UBE2T: variants seen among roughly 807,000 people sequenced by gnomAD.
UBE2T encodes the protein ubiquitin conjugating enzyme E2 T.
Under a neutral mutation model 23.3 loss-of-function variants are expected in UBE2T, and 15 were observed. The observed-to-expected ratio is 0.64, with a 90% CI of 0.43 to 0.99. The LOEUF (loss-of-function observed/expected upper bound fraction) is 0.99. UBE2T is among the 50% of genes least tolerant of loss of function. The pLI is 0.00. For missense variants in UBE2T, 197 were observed against 234.9 expected (o/e 0.84, Z 1.05); for synonymous variants, 67 against 78.4 (o/e 0.85, Z 0.77).
intron 1 of UBE2T, among the ~76,000 whole-genome samples, chr1:202,341,577 C>CAAAAAAAAAAAAAAAA (rs57598991): frequency 4.9e-5 from 1 of 20,302 alleles, no homozygotes; most frequent in Non-Finnish European, 7.7e-5. Context: ...GACTCCGTCT[C>CAAAAAAAAAAAAAAAA]AAAAAAAAAA....
intron 1 of UBE2T, among the ~76,000 whole-genome samples, chr1:202,336,168 T>G (rs1333503410): frequency 1.4e-5 from 2 of 143,480 alleles, no homozygotes; most frequent in Non-Finnish European, 3.0e-5. Context: ...TGCCTTGGCC[T>G]CCCAAAGTGC....
rs557128154 is a variant in UBE2T at position 202,335,578 on chromosome 1, A to C, written c.109+68T>G. On this transcript the variant is annotated intron_variant, in intron 2 of 6. Transcript: ENST00000646651. This position sits in a 1 kb window ranked among gnomAD's most constrained non-coding sequence, Gnocchi z 4.0. ...CTCCTTACTTTAGAAGAATACACAAAATGTTTTATTTCAGCACAATCTTCA... is the reference window on the plus strand; with the variant it reads ...CTCCTTACTTTAGAAGAATACACAACATGTTTTATTTCAGCACAATCTTCA... 7 of 1,489,216 alleles carry C rather than the reference A, an allele frequency of 4.7e-6. No individual in the cohort carries two copies. Among genetic ancestry groups the C allele is most frequent in the East Asian group, 2.3e-5 (1 of 44,108 alleles). The allele number at this position is 1,489,216 out of a possible 1,614,324, so 92.3% of individuals were successfully genotyped here. A position where few individuals can be genotyped will look rare whatever the true frequency, so the allele number is the denominator to read the frequency against.
intron 6 of UBE2T, 83 bp downstream of exon 6, chr1:202,332,927 A>AAAAAAAAAAAAAAC (rs1654791719): frequency 2.2e-6 from 1 of 450,804 alleles, no homozygotes; most frequent in African/African-American, 2.2e-5. Flanking sequence ...AAAAAAAAAA[A>AAAAAAAAAAAAAAC]AAAAAAAAAA....
chr1:202,334,482 G>A (rs542299639), intron 3 of UBE2T, among the ~76,000 whole-genome samples: 5 of 152,230 alleles, frequency 3.3e-5, no homozygotes, highest in African/African-American at 1.2e-4. Flanking sequence ...GATATCATGA[G>A]TTTACCTATA....
At chr1:202,333,117 G>C in intron 5 of UBE2T, 24 bp from the exon 6 acceptor site, 8 of 1,609,338 alleles carry the variant, frequency 5.0e-6, no homozygotes, top group Non-Finnish European at 6.8e-6. Context: ...AAAGAAAAGA[G>C]TTAATGGAGA....
At chr1:202,336,210 CTTTT>C (rs60785340) in intron 1 of UBE2T, among the ~76,000 whole-genome samples, 16 of 34,366 alleles carry the variant, frequency 4.7e-4, no homozygotes, top group South Asian at 2.0e-3. Context: ...ATGCACCCAG[CTTTT>C]TTTTTTTTTT....
At position 202,331,839 on chromosome 1, in the gene UBE2T, A is replaced by G. The variant is rs1654758518; in HGVS notation, c.590T>C (p.Val197Ala). 1.2e-6 allele frequency: 2 copies of G among 1,614,080 alleles called. No homozygotes were observed. Among genetic ancestry groups the G allele is most frequent in the Non-Finnish European group, 8.5e-7 (1 of 1,179,992 alleles). Reference protein sequence around the residue: ...VGIEKKFHPDV With the variant: ...VGIEKKFHPDA ...AGATGAACCAGGACAAGTCCCCTAA[A>G]CATCAGGATGAAATTTCTTTTCTAT... The change falls in exon 7 of 7, where the codon GTT (valine) becomes GCT (alanine). Residue 197 changes from valine to alanine, a missense_variant. Coordinates refer to ENST00000646651, the MANE Select transcript of UBE2T (RefSeq NM_014176.4).
intron 3 of UBE2T, 29 bp downstream of exon 3, chr1:202,334,960 T>A (rs1654850607): frequency 6.2e-7 from 1 of 1,600,112 alleles, no homozygotes; most frequent in East Asian, 2.2e-5. Context: ...CACTTCACCA[T>A]GTAGGTTGAG....
intron 1 of UBE2T, among the ~76,000 whole-genome samples, chr1:202,337,898 A>G (rs566939126): frequency 1.3e-5 from 2 of 152,296 alleles, no homozygotes; most frequent in South Asian, 2.1e-4. Flanking sequence ...GAATCAGTTC[A>G]TAAGTCCATA....
chr1:202,334,846 A>T, intron 3 of UBE2T, 143 bp downstream of exon 3: 1 of 672,174 alleles, frequency 1.5e-6, no homozygotes, highest in Non-Finnish European at 2.5e-6. Context: ...CAGAGAGAGA[A>T]AATAACTTGG....
At chr1:202,338,392 T>C (rs1220314881) in intron 1 of UBE2T, among the ~76,000 whole-genome samples, 1 of 152,104 alleles carries the variant, frequency 6.6e-6, no homozygotes, top group South Asian at 2.1e-4. Flanking sequence ...GGTAATATTG[T>C]ATTTTTTTAG....
At chr1:202,338,524 C>A (rs1310756860) in intron 1 of UBE2T, among the ~76,000 whole-genome samples, 1 of 152,140 alleles carries the variant, frequency 6.6e-6, no homozygotes, top group Non-Finnish European at 1.5e-5. Flanking sequence ...CCCAGCCAAT[C>A]TAACTGATTT....
rs753193703 is a variant in UBE2T at position 202,333,273 on chromosome 1, T to C, written c.348A>G (p.Ser116=). 6.2e-6 allele frequency: 10 copies of C among 1,614,198 alleles called. No homozygotes were observed. In the East Asian group the frequency reaches 8.9e-5, roughly 14 times the overall value. The change falls in exon 5 of 7, where the codon TCA becomes TCG. Residue 116 remains serine, a synonymous_variant. Transcript: ENST00000646651. ...TGAGCGGGTCATCAGGGTTGGGTTC[T>C]GACATGAGCAGCTGAATAGAGGTCA... ...TVLTSIQLLM[S]EPNPDDPLMA...
At chr1:202,338,015 T>C (rs184335762) in intron 1 of UBE2T, among the ~76,000 whole-genome samples, 188 of 152,344 alleles carry the variant, frequency 1.2e-3, no homozygotes, top group Middle Eastern at 3.4e-3. Flanking sequence ...TGGAGATAAC[T>C]GATATCTTTA....
In UBE2T at chr1:202,334,991, C is replaced by T. The variant is rs201663062; in HGVS notation, c.177G>A (p.Glu59=). 1 of 1,612,324 alleles carries T rather than the reference C, an allele frequency of 6.2e-7. No homozygotes were observed. The highest frequency in any genetic ancestry group is 1.3e-5 in the African/African-American group (1 of 75,018). The change falls in exon 3 of 7, where the codon GAG becomes GAA. Residue 59 remains glutamate, a splice_region_variant and synonymous_variant. Transcript: ENST00000646651. The part of the protein sequence containing the change: ...GVFKLEVIIP[E]RYPFEPPQIR... ...TTGAGAAGCTGATTCATACTAACCTCTCAGGAATGATAACTTCTAGCTTAA... is the reference window on the plus strand; with the variant it reads ...TTGAGAAGCTGATTCATACTAACCTTTCAGGAATGATAACTTCTAGCTTAA...
At position 202,335,516 on chromosome 1, in the gene UBE2T, G is replaced by C. The variant is rs1558101166; in HGVS notation, c.109+130C>G. ...CCTTTTATAAATGTAAACAAATTTG[G>C]GTAGAAAGATGGTAGGGCACTCTGA... On this transcript the variant is annotated intron_variant, in intron 2 of 6. Transcript: ENST00000646651. The surrounding 1 kb of genome is among the most constrained non-coding windows in gnomAD (Gnocchi z 4.0). 2 of 811,912 alleles carry C rather than the reference G, an allele frequency of 2.5e-6. No individual in the cohort carries two copies. The highest frequency in any genetic ancestry group is 3.9e-6 in the Non-Finnish European group (2 of 519,378). The allele number at this position is 811,912 out of a possible 1,614,324, so 50.3% of individuals were successfully genotyped here. A position where few individuals can be genotyped will look rare whatever the true frequency, so the allele number is the denominator to read the frequency against.
Position 202,331,822 on chromosome 1 carries a change from C to T in UBE2T, c.*13G>A, listed in dbSNP as rs540664348. ...AAAGAACACATTAACTAAGATGAAC[C>T]AGGACAAGTCCCCTAAACATCAGGA... On this transcript the variant is annotated 3_prime_UTR_variant, in exon 7 of 7. Transcript: ENST00000646651. The T allele has an allele frequency of 3.1e-6, 5 of 1,613,666 alleles. No homozygotes were observed. The highest frequency in any genetic ancestry group is 4.2e-6 in the Non-Finnish European group (5 of 1,179,902).
At chr1:202,332,598 A>T (rs2148338950) in intron 6 of UBE2T, among the ~76,000 whole-genome samples, 1 of 152,242 alleles carries the variant, frequency 6.6e-6, no homozygotes, top group Admixed American at 6.5e-5. Context: ...GTTCAGTACA[A>T]ATTTGGCAAA....
Position 202,332,675 on chromosome 1 carries a change from G to C in UBE2T, c.468+335C>G, listed in dbSNP as rs560570516. On this transcript the variant is annotated intron_variant, in intron 6 of 6. Coordinates refer to ENST00000646651, the MANE Select transcript of UBE2T (RefSeq NM_014176.4). ...TGTAATCCCAGCACTTTGGGAGGCC[G>C]AGGCGGGCGGATCACGAGGTCAGGA... Among the ~76,000 whole-genome samples the C allele has an allele frequency of 4.0e-4, 61 of 151,826 alleles. No individual in the cohort carries two copies. The South Asian group carries it at 6.0e-3, about 15-fold the overall frequency.
Sources: allele counts gnomAD v4.1 joint callset (sites outside exome capture counted in the v4.1 genomes callset), GRCh38; gene constraint gnomAD v4.1.1; non-coding constraint Gnocchi (gnomAD v3.1); transcripts MANE v1.5; gene names NCBI Gene and HGNC (gene_info 2026-07-23, HGNC 2026-07-21).